Variants in SYNE2 observed in about 807,000 individuals in gnomAD.
SYNE2 encodes the protein spectrin repeat containing nuclear envelope protein 2, also known as nesprin-2.
A neutral mutation model predicts 856.3 loss-of-function variants in SYNE2; 431 were observed. The ratio of observed to expected loss-of-function variants is 0.50; its 90% CI spans 0.47 to 0.55. SYNE2 has a LOEUF of 0.55. Among genes scored for constraint, SYNE2 ranks in the 20% least tolerant of loss-of-function variants. The pLI is 0.00. For synonymous variants in SYNE2, 2,923 were observed against 2,872.3 expected, an observed-to-expected ratio of 1.02 and a Z score of -0.56; for missense variants, 8,129 against 8,023.2, an observed-to-expected ratio of 1.01 and a Z score of -0.50.
intron 95 of SYNE2, among the ~76,000 whole-genome samples, chr14:64,176,783 A>T (rs547911785): frequency 3.9e-4 from 50 of 128,938 alleles, no homozygotes; most frequent in Admixed American, 1.4e-3. Context: ...TTTTATTTTT[A>T]TTTATTTATT....
Position 64,087,859 on chromosome 14 carries a change from A to G in SYNE2, c.11670+3A>G. 2 of 1,613,804 alleles carry G rather than the reference A, an allele frequency of 1.2e-6. No homozygotes were observed. Among genetic ancestry groups the G allele is most frequent in the Non-Finnish European group, 1.7e-6 (2 of 1,179,740 alleles). The stretch of plus-strand genomic sequence containing the variant: ...CACAGATTCAGCGAATGGCTGATGT[A>G]AGTTTGCACCATTCATTTAATCATT... On this transcript the variant is annotated splice_donor_region_variant and intron_variant, in intron 58 of 115. Coordinates refer to ENST00000555002, the MANE Select transcript of SYNE2 (RefSeq NM_182914.3).
chr14:63,887,558 T>A (rs749632198), intron 1 of SYNE2, among the ~76,000 whole-genome samples: 11 of 152,144 alleles, frequency 7.2e-5, no homozygotes, highest in Non-Finnish European at 1.2e-4. Flanking sequence ...ACCCTGGCCT[T>A]ACTGACATTG....
intron 2 of SYNE2, among the ~76,000 whole-genome samples, chr14:63,926,381 C>G (rs2095666079): frequency 6.6e-6 from 1 of 152,098 alleles, no homozygotes; most frequent in Non-Finnish European, 1.5e-5. Flanking sequence ...TTTCAAGATT[C>G]AGCCATATTT....
chr14:63,955,268 A>G (rs1462533374), intron 8 of SYNE2, among the ~76,000 whole-genome samples: 3 of 151,988 alleles, frequency 2.0e-5, no homozygotes, highest in East Asian at 1.9e-4. Context: ...AGTTGTTTAT[A>G]TGTCTCTCCT....
chr14:63,959,287 CTTTTTTT>C (rs34198434), intron 8 of SYNE2, among the ~76,000 whole-genome samples: 15 of 81,370 alleles, frequency 1.8e-4, no homozygotes, highest in East Asian at 1.4e-3. Context: ...TTTTCTTCTT[CTTTTTTT>C]TTTTTTTTTT....
chr14:63,996,782 C>G (rs1414782876), intron 23 of SYNE2, among the ~76,000 whole-genome samples, 165 bp from the exon 24 acceptor site: 1 of 152,136 alleles, frequency 6.6e-6, no homozygotes, highest in Non-Finnish European at 1.5e-5. Flanking sequence ...TCCTTTAGAG[C>G]TGACTCTCTC....
chr14:64,025,269 G>A lies in SYNE2; in HGVS notation c.6100G>A (p.Glu2034Lys). 2 of 1,614,082 alleles carry A rather than the reference G, an allele frequency of 1.2e-6. No homozygotes were observed. The highest frequency in any genetic ancestry group is 1.7e-6 in the Non-Finnish European group (2 of 1,179,984). The change falls in exon 41 of 116, where the codon GAA becomes AAA. Residue 2034 changes from glutamate to lysine, a missense_variant. Physicochemically the swap from Glu to Lys is moderately conservative, Grantham distance 56. Coordinates refer to ENST00000555002, the MANE Select transcript of SYNE2 (RefSeq NM_182914.3). ...ACTGAGACAACTAAGTGAAATCGAGGAAGAGGATAAGTTACTACCCACAGA... is the reference window on the plus strand; with the variant it reads ...ACTGAGACAACTAAGTGAAATCGAGAAAGAGGATAAGTTACTACCCACAGA... Reference protein sequence around the residue: ...TLLRQLSEIEEEDKLLPTEDQ... With the variant: ...TLLRQLSEIEKEDKLLPTEDQ...
At chr14:64,109,238 CT>C (rs1450290823) in intron 65 of SYNE2, among the ~76,000 whole-genome samples, 2 of 150,806 alleles carry the variant, frequency 1.3e-5, no homozygotes, top group Admixed American at 1.3e-4. Context: ...CCTCTAGGGT[CT>C]TTTCCCTGGC....
intron 106 of SYNE2, among the ~76,000 whole-genome samples, chr14:64,214,843 A>G (rs1325737555): frequency 6.6e-6 from 1 of 152,106 alleles, no homozygotes; most frequent in East Asian, 1.9e-4. Flanking sequence ...GGGCTCAAGC[A>G]ATCCTTCCAC....
At chr14:64,215,910 T>A in intron 107 of SYNE2, 3 of 1,279,632 alleles carry the variant, frequency 2.3e-6, no homozygotes, top group Non-Finnish European at 3.0e-6. Context: ...TGTTCACTCT[T>A]CCCCTCACTC....
chr14:64,220,617 C>G lies in SYNE2; in HGVS notation c.20041C>G (p.Gln6681Glu). 1 of 1,614,050 alleles carries G rather than the reference C, an allele frequency of 6.2e-7. No individual in the cohort carries two copies. ...AVDSWRGGLRQSLMQCQDFHQ... is the reference protein window; with the variant it reads ...AVDSWRGGLRESLMQCQDFHQ... ...GGACAGCTGGAGAGGGGGCTTACGA[C>G]AGTCGCTCATGCAGTGCCAGGTACG... The change falls in exon 111 of 116, where the codon CAG becomes GAG. Residue 6681 changes from glutamine (Q) to glutamate (E), a missense_variant. Transcript: ENST00000555002.
At chr14:63,764,737 C>A (rs1275316372) in intron 1 of SYNE2, among the ~76,000 whole-genome samples, 1 of 151,802 alleles carries the variant, frequency 6.6e-6, no homozygotes, top group Non-Finnish European at 1.5e-5. Flanking sequence ...CCCTTTGTGC[C>A]CCACCCCACA....
At chr14:64,204,227 T>TA (rs1278502084) in intron 100 of SYNE2, 1 of 152,212 alleles carries the variant, frequency 6.6e-6, no homozygotes, top group Non-Finnish European at 1.5e-5. Flanking sequence ...ATATAAGTAT[T>TA]ATGGAATTTT....
chr14:64,050,206 T>C (rs1181492057), intron 47 of SYNE2, among the ~76,000 whole-genome samples: 5 of 152,202 alleles, frequency 3.3e-5, no homozygotes, highest in South Asian at 2.1e-4. Flanking sequence ...CCTCATGTGG[T>C]AGCAGGAGAA....
At chr14:63,940,962 T>C (rs1490222155) in intron 3 of SYNE2, among the ~76,000 whole-genome samples, 2 of 152,238 alleles carry the variant, frequency 1.3e-5, no homozygotes, top group Non-Finnish European at 2.9e-5. Context: ...ATAGTAATAC[T>C]GATTTGCATA....
At chr14:64,130,441 A>G (rs1595723823) in intron 76 of SYNE2, among the ~76,000 whole-genome samples, 193 bp downstream of exon 76, 1 of 152,346 alleles carries the variant, frequency 6.6e-6, no homozygotes, top group East Asian at 1.9e-4. Context: ...GTTATGAGTA[A>G]AAACAGACAC....
intron 45 of SYNE2, chr14:64,034,741 C>T (rs1482058550): frequency 7.7e-6 from 3 of 391,118 alleles, no homozygotes; most frequent in Non-Finnish European, 1.4e-5. Context: ...TTTATAGATG[C>T]GTATTTCTGA....
intron 1 of SYNE2, among the ~76,000 whole-genome samples, chr14:63,802,529 G>A (rs1888179784): frequency 6.6e-6 from 1 of 152,152 alleles, no homozygotes; most frequent in Non-Finnish European, 1.5e-5. Flanking sequence ...TTGACTGTTG[G>A]GAAGGCATGA....
In SYNE2 at chr14:63,795,087, A is replaced by G. The variant is rs991679801; in HGVS notation, c.-305+33101A>G. On this transcript the variant is annotated intron_variant, in intron 1 of 23. Transcript: ENST00000674003. ...CACCTGCCTAATTTTTTTATTTTTTATTTTTTGGCAAAGATGGTGTGATGG... is the reference window on the plus strand; with the variant it reads ...CACCTGCCTAATTTTTTTATTTTTTGTTTTTTGGCAAAGATGGTGTGATGG... Among the ~76,000 whole-genome samples, 100 of 151,892 alleles carry G rather than the reference A, an allele frequency of 6.6e-4. 4 individuals are homozygous for G. Among genetic ancestry groups the G allele is most frequent in the Non-Finnish European group, 5.9e-5 (4 of 67,984 alleles).
Sources: allele counts gnomAD v4.1 joint callset (sites outside exome capture counted in the v4.1 genomes callset), GRCh38; gene constraint gnomAD v4.1.1; transcripts MANE v1.5; gene names NCBI Gene and HGNC (gene_info 2026-07-23, HGNC 2026-07-21).